OPCML: variants seen among roughly 807,000 people sequenced by gnomAD.
The protein encoded by OPCML is opioid binding protein/cell adhesion molecule like, also known as opioid-binding protein/cell adhesion molecule.
Under a neutral mutation model 37.8 loss-of-function variants are expected in OPCML, and 13 were observed. That is an observed-to-expected ratio of 0.34 (90% CI 0.22 to 0.55). The LOEUF (loss-of-function observed/expected upper bound fraction) is 0.55, where lower values mean the gene tolerates loss of function less well. Ranked by LOEUF, OPCML falls within the 20% of genes least tolerant of loss-of-function variation. The pLI is 0.91. For missense variants in OPCML, 341 were observed against 435.6 expected (o/e 0.78, Z 1.93); for synonymous variants, 176 against 168.8 (o/e 1.04, Z -0.33).
chr11:132,661,282 G>T (rs1482143240), intron 2 of OPCML, among the ~76,000 whole-genome samples: 1 of 152,142 alleles, frequency 6.6e-6, no homozygotes, highest in Non-Finnish European at 1.5e-5. Flanking sequence ...GGCAAAGATG[G>T]TTCACAAGTT....
chr11:132,815,879 A>G (rs1299653176), intron 2 of OPCML, among the ~76,000 whole-genome samples: 1 of 152,230 alleles, frequency 6.6e-6, no homozygotes, highest in Non-Finnish European at 1.5e-5. Context: ...ACAGATAGAG[A>G]AATGTGTCTT....
chr11:132,875,507 C>T (rs145978352), intron 2 of OPCML, among the ~76,000 whole-genome samples: 4 of 150,258 alleles, frequency 2.7e-5, no homozygotes, highest in Non-Finnish European at 5.9e-5. Flanking sequence ...TCTTGTTGCC[C>T]AGGCTGGAAT....
intron 1 of OPCML, among the ~76,000 whole-genome samples, chr11:133,020,850 T>C (rs1232733411): frequency 6.6e-6 from 1 of 151,762 alleles, no homozygotes; most frequent in African/African-American, 2.4e-5. Flanking sequence ...AGTAAGAAAC[T>C]TTTTTTTTCT....
intron 2 of OPCML, among the ~76,000 whole-genome samples, chr11:132,931,566 C>A (rs113710349): frequency 1.3e-4 from 20 of 152,174 alleles, no homozygotes; most frequent in Non-Finnish European, 2.2e-4. Flanking sequence ...ATCAACATCA[C>A]TAATCATTAG....
At chr11:132,492,674 A>G (rs1396569516) in intron 4 of OPCML, among the ~76,000 whole-genome samples, 1 of 152,162 alleles carries the variant, frequency 6.6e-6, no homozygotes, top group African/African-American at 2.4e-5. Flanking sequence ...TCTGTGACTC[A>G]GGAATTCAGA....
chr11:133,043,968 G>A (rs1947956541), intron 1 of OPCML, among the ~76,000 whole-genome samples: 1 of 152,236 alleles, frequency 6.6e-6, no homozygotes, highest in African/African-American at 2.4e-5. Context: ...GGGGGGCACA[G>A]CAGACAATAA....
chr11:132,610,777 C>T (rs939920571), intron 3 of OPCML, among the ~76,000 whole-genome samples: 5 of 152,158 alleles, frequency 3.3e-5, no homozygotes, highest in Admixed American at 6.5e-5. Context: ...TGTGATCTGT[C>T]GTGTAAGAAG....
rs1194252157 is a variant in OPCML at position 133,205,013 on chromosome 11, G to A, written c.62-262003C>T. On this transcript the variant is annotated intron_variant, in intron 1 of 7. Transcript: ENST00000524381. This position sits in a 1 kb window ranked among gnomAD's most constrained non-coding sequence, Gnocchi z 4.8. ...GTGTCTTCTTGCAGGCTAATGAGATGCCTGGCAGCTGGGGCCCAGGATGGC... is the reference window on the plus strand; with the variant it reads ...GTGTCTTCTTGCAGGCTAATGAGATACCTGGCAGCTGGGGCCCAGGATGGC... Among the ~76,000 whole-genome samples, 1 of 151,338 alleles carries A rather than the reference G, an allele frequency of 6.6e-6. No individual in the cohort carries two copies. The highest frequency in any genetic ancestry group is 1.5e-5 in the Non-Finnish European group (1 of 67,870).
At chr11:132,522,448 G>A (rs1409803251) in intron 4 of OPCML, among the ~76,000 whole-genome samples, 1 of 152,182 alleles carries the variant, frequency 6.6e-6, no homozygotes, top group African/African-American at 2.4e-5. Flanking sequence ...GGCTGGGCAT[G>A]CAGTATGCAC....
At chr11:132,880,742 G>C (rs1392475525) in intron 2 of OPCML, among the ~76,000 whole-genome samples, 1 of 152,236 alleles carries the variant, frequency 6.6e-6, no homozygotes, top group African/African-American at 2.4e-5. Context: ...ATTACTGGTA[G>C]AATGGCCATA....
At chr11:132,598,580 G>T (rs2096496232) in intron 3 of OPCML, among the ~76,000 whole-genome samples, 1 of 152,068 alleles carries the variant, frequency 6.6e-6, no homozygotes, top group Admixed American at 6.5e-5. Context: ...CATCAACACT[G>T]TGTAATATTA....
intron 4 of OPCML, among the ~76,000 whole-genome samples, chr11:132,455,858 T>C (rs2096081236): frequency 6.6e-6 from 1 of 152,170 alleles, no homozygotes; most frequent in South Asian, 2.1e-4. Context: ...AGCTTACATT[T>C]TAGAGAGAAA....
chr11:132,763,982 C>T (rs929403265), intron 2 of OPCML, among the ~76,000 whole-genome samples: 16 of 152,328 alleles, frequency 1.1e-4, no homozygotes, highest in Middle Eastern at 3.4e-3. Flanking sequence ...CTTTGCCTGA[C>T]GACTACCAGG....
chr11:133,212,510 G>A lies in OPCML; in HGVS notation c.62-269500C>T, dbSNP rs942887058. On this transcript the variant is annotated intron_variant, in intron 1 of 7. Transcript: ENST00000524381. The surrounding 1 kb of genome is among the most constrained non-coding windows in gnomAD (Gnocchi z 4.9). ...GCTCCATTGTCTCATCTTCCAGAAC[G>A]CCGACCCTCGGCACCCTATTGAAGT... Among the ~76,000 whole-genome samples, 17 of 152,046 alleles carry A rather than the reference G, an allele frequency of 1.1e-4. No homozygotes were observed. Among genetic ancestry groups the A allele is most frequent in the African/African-American group, 3.4e-4 (14 of 41,402 alleles).
intron 3 of OPCML, among the ~76,000 whole-genome samples, chr11:132,644,018 C>G (rs1941012026): frequency 6.6e-6 from 1 of 152,160 alleles, no homozygotes; most frequent in Non-Finnish European, 1.5e-5. Flanking sequence ...TTAGAAAACA[C>G]TCTAAGTTCT....
chr11:132,764,642 G>A (rs1455845819), intron 2 of OPCML, among the ~76,000 whole-genome samples: 2 of 152,176 alleles, frequency 1.3e-5, no homozygotes, highest in Non-Finnish European at 2.9e-5. Flanking sequence ...TCAGGAGATA[G>A]AAGTATTTTC....
At chr11:132,600,713 T>C (rs1053606353) in intron 3 of OPCML, among the ~76,000 whole-genome samples, 1 of 147,346 alleles carries the variant, frequency 6.8e-6, no homozygotes, top group Admixed American at 6.6e-5. Flanking sequence ...AGTAGATAAA[T>C]ACCCAGGTTA....
At chr11:132,827,499 A>G (rs4937727) in intron 2 of OPCML, among the ~76,000 whole-genome samples, 49,003 of 151,880 alleles carry the variant, frequency 0.32, 8,705 homozygotes, top group Non-Finnish European at 0.42. Flanking sequence ...AAACAATTTG[A>G]CAGTCTTTTA....
chr11:133,093,340 T>C (rs1948943814), intron 1 of OPCML, among the ~76,000 whole-genome samples: 1 of 151,940 alleles, frequency 6.6e-6, no homozygotes, highest in African/African-American at 2.4e-5. Flanking sequence ...ATGTGCAGAA[T>C]GTACAGGTTT....
Sources: allele counts gnomAD v4.1 joint callset (sites outside exome capture counted in the v4.1 genomes callset), GRCh38; gene constraint gnomAD v4.1.1; non-coding constraint Gnocchi (gnomAD v3.1); transcripts MANE v1.5; gene names NCBI Gene and HGNC (gene_info 2026-07-23, HGNC 2026-07-21).